Variants in FLRT2 observed in about 807,000 individuals in gnomAD.
FLRT2 encodes the protein leucine-rich repeat transmembrane protein FLRT2.
In FLRT2, 15 loss-of-function variants were observed where a neutral mutation model predicts 40.0. The observed-to-expected ratio is 0.38, with a 90% confidence interval of 0.25 to 0.58. FLRT2 has a LOEUF of 0.58. Among genes scored for constraint, FLRT2 ranks in the 20% least tolerant of loss-of-function variants. The pLI is 0.71. For synonymous variants in FLRT2, 380 were observed against 336.8 expected, an observed-to-expected ratio of 1.13 and a Z score of -1.41; for missense variants, 726 against 840.0, an observed-to-expected ratio of 0.86 and a Z score of 1.68.
chr14:85,606,945 T>C (rs972018100), intron 1 of FLRT2, among the ~76,000 whole-genome samples: 2 of 151,796 alleles, frequency 1.3e-5, no homozygotes, highest in South Asian at 4.2e-4. Context: ...CCTAGATTTT[T>C]TTTTTTCTAA....
chr14:85,579,144 C>A (rs748829897), intron 1 of FLRT2, among the ~76,000 whole-genome samples: 3 of 152,134 alleles, frequency 2.0e-5, no homozygotes, highest in African/African-American at 7.2e-5. Flanking sequence ...CTCCTTCCCC[C>A]GGGAGCTGCC....
chr14:85,547,483 C>A (rs1348866012), intron 1 of FLRT2, among the ~76,000 whole-genome samples: 1 of 152,034 alleles, frequency 6.6e-6, no homozygotes, highest in Non-Finnish European at 1.5e-5. Flanking sequence ...GCCACCACAC[C>A]CGGCTAACTT....
chr14:85,653,560 A>C lies in FLRT2; in HGVS notation c.*30063A>C, dbSNP rs575048016. On this transcript the variant is annotated 3_prime_UTR_variant, in exon 2 of 2. Transcript: ENST00000330753. ...ATCTATTAGTATTCTCCACATTGCTACTGAAACTTGCTGCCTTTTCCTAGA... is the reference window on the plus strand; with the variant it reads ...ATCTATTAGTATTCTCCACATTGCTCCTGAAACTTGCTGCCTTTTCCTAGA... The C allele has an allele frequency of 1.3e-5, 2 of 152,218 alleles. No homozygotes were observed. The highest frequency in any genetic ancestry group is 2.4e-5 in the African/African-American group (1 of 41,450). The allele number at this position is 152,218 out of a possible 1,614,324, so 9.4% of individuals were successfully genotyped here.
intron 1 of FLRT2, among the ~76,000 whole-genome samples, chr14:85,600,710 C>A (rs1287572131): frequency 6.6e-6 from 1 of 151,856 alleles, no homozygotes; most frequent in Non-Finnish European, 1.5e-5. Flanking sequence ...TTATAAGGAA[C>A]CAGGGAGTAA....
Position 85,544,761 on chromosome 14 carries a change from A to C in FLRT2, c.-377+14227A>C, listed in dbSNP as rs998739368. ...GGACTTTAGGTTCTTCTTGTTGGCC[A>C]AAAGAAAATTCAAACAATACTTTGT... is the stretch of plus-strand genomic sequence containing the variant. On this transcript the variant is annotated intron_variant, in intron 1 of 1. Coordinates refer to ENST00000330753, the MANE Select transcript of FLRT2 (RefSeq NM_013231.6). Among the ~76,000 whole-genome samples the C allele has an allele frequency of 2.0e-5, 3 of 152,180 alleles. 1 individual carries two copies. In the South Asian group the frequency reaches 6.2e-4, roughly 32 times the overall value.
At chr14:85,553,884 T>C (rs912304380) in intron 1 of FLRT2, among the ~76,000 whole-genome samples, 9 of 152,180 alleles carry the variant, frequency 5.9e-5, no homozygotes, top group Non-Finnish European at 8.8e-5. Context: ...AACTGAACTC[T>C]GCCTATAAGA....
intron 1 of FLRT2, among the ~76,000 whole-genome samples, chr14:85,557,823 TAAATA>T (rs1027116448): frequency 5.9e-5 from 9 of 151,348 alleles, no homozygotes; most frequent in Admixed American, 3.3e-4. Flanking sequence ...TTTCAATAAA[TAAATA>T]AATTAATTAA....
chr14:85,548,894 A>G (rs1889440349), intron 1 of FLRT2, among the ~76,000 whole-genome samples: 1 of 152,194 alleles, frequency 6.6e-6, no homozygotes. Flanking sequence ...CATAAAAACC[A>G]CAGGCCCCAC....
intron 1 of FLRT2, among the ~76,000 whole-genome samples, chr14:85,548,110 G>T (rs189206865): frequency 6.6e-6 from 1 of 152,126 alleles, no homozygotes; most frequent in African/African-American, 2.4e-5. Flanking sequence ...CTTTCACAAG[G>T]GTGAAGATAA....
In FLRT2 at chr14:85,639,296, C is replaced by T. The variant is rs936135340; in HGVS notation, c.*15799C>T. 2.0e-5 allele frequency: 3 copies of T among 152,070 alleles called. No individual in the cohort carries two copies. Among genetic ancestry groups the T allele is most frequent in the Non-Finnish European group, 2.9e-5 (2 of 68,024 alleles). 9.4% of individuals were successfully genotyped at this position (152,070 alleles called of 1,614,324 possible). A position where few individuals can be genotyped will look rare whatever the true frequency, so the allele number is the denominator to read the frequency against. ...CAAGTTGTTTATGAGCATGCCTTCT[C>T]GTTAAGTTGACAAAATCTTGACAGG... is the stretch of plus-strand genomic sequence containing the variant. On this transcript the variant is annotated 3_prime_UTR_variant, in exon 2 of 2. Coordinates refer to ENST00000330753, the MANE Select transcript of FLRT2 (RefSeq NM_013231.6).
intron 1 of FLRT2, among the ~76,000 whole-genome samples, chr14:85,568,377 G>A (rs1890728958): frequency 6.6e-6 from 1 of 152,106 alleles, no homozygotes; most frequent in African/African-American, 2.4e-5. Flanking sequence ...AGTGAACATG[G>A]AAATCATAAA....
intron 1 of FLRT2, among the ~76,000 whole-genome samples, chr14:85,538,838 T>C (rs1001168267): frequency 6.6e-6 from 1 of 152,118 alleles, no homozygotes; most frequent in Non-Finnish European, 1.5e-5. Context: ...TGAAATAGGT[T>C]CACATGCTGG....
intron 1 of FLRT2, among the ~76,000 whole-genome samples, chr14:85,604,699 A>T (rs1036100997): frequency 1.3e-5 from 2 of 152,146 alleles, no homozygotes; most frequent in African/African-American, 4.8e-5. Flanking sequence ...TTGAAATTGG[A>T]CTAATGGTAG....
At chr14:85,601,951 C>T (rs1595073158) in intron 1 of FLRT2, among the ~76,000 whole-genome samples, 1 of 152,076 alleles carries the variant, frequency 6.6e-6, no homozygotes, top group East Asian at 1.9e-4. Context: ...TTCTGGAAGT[C>T]AGGTGGGAGT....
At chr14:85,563,154 C>T (rs1890449306) in intron 1 of FLRT2, 1 of 151,796 alleles carries the variant, frequency 6.6e-6, no homozygotes, top group Admixed American at 6.6e-5. Flanking sequence ...TTATGGTTCT[C>T]TGGGCATTGC....
At chr14:85,541,317 G>A (rs1048148591) in intron 1 of FLRT2, among the ~76,000 whole-genome samples, 4 of 152,124 alleles carry the variant, frequency 2.6e-5, no homozygotes, top group Admixed American at 6.5e-5. Flanking sequence ...GAGTAAGATG[G>A]GACAGGCCAA....
chr14:85,625,431 A>G lies in FLRT2; in HGVS notation c.*1934A>G. ...TCTTTAATAATATAGCCCAACTTAT[A>G]TGTTTTAATCTCCCTTGTCCCTCAG... On this transcript the variant is annotated 3_prime_UTR_variant, in exon 2 of 2. Coordinates refer to ENST00000330753, the MANE Select transcript of FLRT2 (RefSeq NM_013231.6). 1 of 167,050 alleles carries G rather than the reference A, an allele frequency of 6.0e-6. No homozygotes were observed. 10.3% of individuals were successfully genotyped at this position (167,050 alleles called of 1,614,324 possible).
At chr14:85,535,915 TTTTTTTGTTGTTG>T (rs961210372) in intron 1 of FLRT2, among the ~76,000 whole-genome samples, 2 of 75,238 alleles carry the variant, frequency 2.7e-5, no homozygotes, top group African/African-American at 1.4e-4. Context: ...TTTTTTTTTT[TTTTTTTGTTGTTG>T]TTGTTGTTGT....
intron 1 of FLRT2, among the ~76,000 whole-genome samples, chr14:85,570,373 C>T (rs7146497): frequency 0.52 from 78,811 of 151,858 alleles, 21,725 homozygotes; most frequent in Non-Finnish European, 0.62. Flanking sequence ...ACTTTCTTAC[C>T]TTAATCTGAT....
Sources: gnomAD v4.1 joint callset for allele counts (sites outside exome capture counted in the v4.1 genomes callset) on GRCh38, gnomAD v4.1.1 for gene constraint, MANE v1.5 for transcripts, NCBI Gene and HGNC (gene_info 2026-07-23, HGNC 2026-07-21) for gene names.